The following SEC24A variants were observed in gnomAD, a reference collection of about 807,000 sequenced individuals.
SEC24A encodes SEC24 homolog A, COPII component.
A neutral mutation model predicts 129.4 loss-of-function variants in SEC24A; 93 were observed. The observed-to-expected ratio is 0.72, with a 90% CI of 0.61 to 0.85. SEC24A has a LOEUF of 0.85. Among genes scored for constraint, SEC24A ranks in the 40% least tolerant of loss-of-function variants. SEC24A has a pLI of 0.00. For missense variants in SEC24A, 1,264 were observed against 1,307.4 expected (o/e 0.97, Z 0.51); for synonymous variants, 460 against 467.3 (o/e 0.98, Z 0.20).
chr5:134,668,140 C>T (rs1750728739), intron 3 of SEC24A, among the ~76,000 whole-genome samples: 2 of 151,878 alleles, frequency 1.3e-5, no homozygotes, highest in Admixed American at 1.3e-4. Flanking sequence ...TTGATTTTAG[C>T]AGTAATATAA....
chr5:134,686,794 G>A lies in SEC24A; in HGVS notation c.1496G>A (p.Arg499Gln), dbSNP rs1045821828. 4 of 1,581,366 alleles carry A rather than the reference G, an allele frequency of 2.5e-6. No individual in the cohort carries two copies. The highest frequency in any genetic ancestry group is 2.3e-5 in the East Asian group (1 of 44,056). The change falls in exon 10 of 23, where the codon CGA (arginine) becomes CAA (glutamine). Residue 499 changes from arginine to glutamine, a missense_variant. Transcript: ENST00000398844. The stretch of plus-strand genomic sequence containing the variant: ...ACAAGATCTTTTTTTCTTCAGTTAC[G>A]ACCACCTCAGCCTCCAGTGTATCTC... ...EFMAPSEYML[R>Q]PPQPPVYLFV...
intron 11 of SEC24A, 151 bp downstream of exon 11, chr5:134,688,450 C>T: frequency 1.7e-6 from 1 of 605,228 alleles, no homozygotes; most frequent in African/African-American, 1.9e-5. Flanking sequence ...TCTTTCAGTT[C>T]AATCTCTCAT....
chr5:134,696,915 A>G (rs1751844996), intron 13 of SEC24A, among the ~76,000 whole-genome samples: 1 of 151,790 alleles, frequency 6.6e-6, no homozygotes. Context: ...GGTGTGAGCC[A>G]CCACACCTGG....
Position 134,725,175 on chromosome 5 carries a change from C to G in SEC24A, c.*81C>G. On this transcript the variant is annotated 3_prime_UTR_variant, in exon 23 of 23. Transcript: ENST00000398844. Reference sequence around the variant, plus strand: ...TGGAAATGTGTAATACCTTCTTTTTCTATTATGTTTGTGGACTAATGTGAT... The same window carrying G: ...TGGAAATGTGTAATACCTTCTTTTTGTATTATGTTTGTGGACTAATGTGAT... 1 of 715,958 alleles carries G rather than the reference C, an allele frequency of 1.4e-6. No homozygotes were observed. The highest frequency in any genetic ancestry group is 1.7e-5 in the South Asian group (1 of 57,274). The allele number at this position is 715,958 out of a possible 1,614,324, so 44.4% of individuals were successfully genotyped here.
chr5:134,717,899 G>C (rs762391186), intron 19 of SEC24A, among the ~76,000 whole-genome samples, 170 bp from the exon 20 acceptor site: 2 of 152,148 alleles, frequency 1.3e-5, no homozygotes, highest in Non-Finnish European at 2.9e-5. Context: ...TGGGCAACAA[G>C]AGCGAAACTC....
chr5:134,688,363 C>A, intron 11 of SEC24A, 64 bp downstream of exon 11: 1 of 958,318 alleles, frequency 1.0e-6, no homozygotes, highest in Non-Finnish European at 1.7e-6. Context: ...GATTACTTGA[C>A]AAATTGGATG....
chr5:134,658,621 C>T (rs1750332181), intron 1 of SEC24A, among the ~76,000 whole-genome samples: 1 of 152,102 alleles, frequency 6.6e-6, no homozygotes, highest in African/African-American at 2.4e-5. Context: ...GTTGCCCAGG[C>T]TGGTCTCCTA....
chr5:134,710,743 A>G lies in SEC24A; in HGVS notation c.2727+1855A>G, dbSNP rs143828593. ...TGCCTTCCTCCCAGAAAAGAAGGAA[A>G]ACTCTGGTCTGGTGGAGTAGGCTTA... On this transcript the variant is annotated intron_variant, in intron 18 of 22. Transcript: ENST00000398844. Among the ~76,000 whole-genome samples, 581 of 152,274 alleles carry G rather than the reference A, an allele frequency of 3.8e-3. 3 individuals are homozygous for G. The highest frequency in any genetic ancestry group is 0.013 in the African/African-American group (552 of 41,540).
In SEC24A at chr5:134,688,220, A is replaced by G. The variant is rs752522444; in HGVS notation, c.1644A>G (p.Thr548=). ...GNTRTKIGFI[T]FDSTIHFYGL... is the part of the protein sequence containing the mutation. ...CTAGAACAAAAATTGGCTTCATAAC[A>G]TTTGACAGTACAATCCATTTCTACG... Residue 548 remains threonine (T), a synonymous_variant, in exon 11 of 23, where the codon ACA becomes ACG. Coordinates refer to ENST00000398844, the MANE Select transcript of SEC24A (RefSeq NM_021982.3). The G allele has an allele frequency of 1.9e-6, 3 of 1,613,330 alleles. No homozygotes were observed. The highest frequency in any genetic ancestry group is 1.1e-5 in the South Asian group (1 of 91,026).
Position 134,666,987 on chromosome 5 carries a change from A to G in SEC24A, c.730A>G (p.Asn244Asp). ...VPQPLFNSAV[N>D]QEGITSNTNN... The stretch of plus-strand genomic sequence containing the variant: ...CCAGCCCTTATTTAATTCAGCTGTC[A>G]ACCAAGAAGGTAAGTGAACCAAGAA... The change falls in exon 3 of 23, where the codon AAC (asparagine) becomes GAC (aspartate). Residue 244 changes from asparagine (N) to aspartate (D), a missense_variant. Transcript: ENST00000398844. 6.4e-7 allele frequency: 1 copy of G among 1,565,306 alleles called. No homozygotes were observed. The highest frequency in any genetic ancestry group is 8.6e-7 in the Non-Finnish European group (1 of 1,161,668).
At chr5:134,706,106 T>G (rs1328630503) in intron 17 of SEC24A, among the ~76,000 whole-genome samples, 2 of 152,202 alleles carry the variant, frequency 1.3e-5, no homozygotes, top group Non-Finnish European at 2.9e-5. Context: ...GGGCTGGTCT[T>G]GAACTCCCGA....
chr5:134,716,833 T>C (rs1208646919), intron 19 of SEC24A, among the ~76,000 whole-genome samples: 1 of 149,782 alleles, frequency 6.7e-6, no homozygotes, highest in Non-Finnish European at 1.5e-5. Flanking sequence ...TAAGATACTT[T>C]ACATATGTAA....
chr5:134,661,479 C>T lies in SEC24A; in HGVS notation c.458C>T (p.Pro153Leu), dbSNP rs373931818. Residue 153 changes from proline to leucine, a missense_variant, in exon 2 of 23, where the codon CCT becomes CTT. Transcript: ENST00000398844. ...ACAGCCTCACAAACAAACCATTGTC[C>T]TCGTGCATCATCCCAACCAACTGTA... ...PSTASQTNHC[P>L]RASSQPTVSG... is the part of the protein sequence containing the mutation. 1.2e-6 allele frequency: 2 copies of T among 1,614,172 alleles called. No individual in the cohort carries two copies. Among genetic ancestry groups the T allele is most frequent in the Non-Finnish European group, 8.5e-7 (1 of 1,180,014 alleles).
chr5:134,655,804 T>C (rs1220823673), intron 1 of SEC24A, among the ~76,000 whole-genome samples: 1 of 152,182 alleles, frequency 6.6e-6, no homozygotes, highest in Non-Finnish European at 1.5e-5. Context: ...TTGCTTTCTT[T>C]GGTTTCTAGG....
rs760825292 is a variant in SEC24A, at chr5:134,688,265, T to C, written c.1689T>C (p.Ser563=). The change falls in exon 11 of 23, where the codon TCT becomes TCC. Residue 563 remains serine, a synonymous_variant. Transcript: ENST00000398844. The stretch of plus-strand genomic sequence containing the variant: ...TCTACGGTCTTCAGGAAAGTCTCTC[T>C]CAACCTCAGATGCTAATAGTTTCAG... The part of the protein sequence containing the change: ...IHFYGLQESL[S]QPQMLIVSDI... The C allele has an allele frequency of 8.7e-6, 14 of 1,603,178 alleles. No homozygotes were observed. Among genetic ancestry groups the C allele is most frequent in the African/African-American group, 1.3e-5 (1 of 74,694 alleles).
chr5:134,674,865 AT>A, intron 5 of SEC24A, 90 bp downstream of exon 5: 1 of 1,227,354 alleles, frequency 8.1e-7, no homozygotes, highest in Non-Finnish European at 1.1e-6. Context: ...TATATTATAC[AT>A]TTTTATAACC....
chr5:134,693,257 A>T, intron 12 of SEC24A: 2 of 1,455,962 alleles, frequency 1.4e-6, no homozygotes, highest in Non-Finnish European at 1.8e-6. Flanking sequence ...CATTAACTCT[A>T]TTTGTACAAC....
chr5:134,659,632 A>G (rs1750378190), intron 1 of SEC24A, among the ~76,000 whole-genome samples: 1 of 148,802 alleles, frequency 6.7e-6, no homozygotes, highest in Non-Finnish European at 1.5e-5. Flanking sequence ...AGTTGGCCTT[A>G]TGACCTCATA....
chr5:134,703,635 C>T, intron 15 of SEC24A, 124 bp from the exon 16 acceptor site: 1 of 657,834 alleles, frequency 1.5e-6, no homozygotes, highest in Non-Finnish European at 2.7e-6. Context: ...TCCTTAACCT[C>T]ACTAAGTACT....
Sources: allele counts gnomAD v4.1 joint callset (sites outside exome capture counted in the v4.1 genomes callset), GRCh38; gene constraint gnomAD v4.1.1; transcripts MANE v1.5; gene names NCBI Gene and HGNC (gene_info 2026-07-23, HGNC 2026-07-21).